STXBP5L: variants seen among roughly 807,000 people sequenced by gnomAD.
STXBP5L encodes the protein syntaxin binding protein 5L.
Under a neutral mutation model 144.5 loss-of-function variants are expected in STXBP5L, and 65 were observed. That is an observed-to-expected ratio of 0.45 (90% confidence interval 0.37 to 0.55). The LOEUF (loss-of-function observed/expected upper bound fraction) is 0.55, where lower values mean the gene tolerates loss of function less well. STXBP5L is among the 20% of genes least tolerant of loss of function. STXBP5L has a pLI of 0.00. For missense variants in STXBP5L, 1,298 were observed against 1,405.5 expected (o/e 0.92, Z 1.22); for synonymous variants, 505 against 469.6 (o/e 1.08, Z -0.97).
chr3:121,162,939 G>A (rs543317799), intron 9 of STXBP5L, among the ~76,000 whole-genome samples: 2 of 152,320 alleles, frequency 1.3e-5, no homozygotes, highest in East Asian at 1.9e-4. Context: ...TGGAGAGGAT[G>A]TGGAGAAATA....
intron 18 of STXBP5L, among the ~76,000 whole-genome samples, chr3:121,274,133 G>T (rs1387172748): frequency 6.6e-6 from 1 of 152,074 alleles, no homozygotes; most frequent in Admixed American, 6.5e-5. Flanking sequence ...ATCATTCCCT[G>T]CTTTTTTGTG....
chr3:121,044,144 A>G (rs1039673700), intron 4 of STXBP5L, among the ~76,000 whole-genome samples: 5 of 152,198 alleles, frequency 3.3e-5, no homozygotes, highest in East Asian at 1.9e-4. Flanking sequence ...AGATGTATAT[A>G]TCAATATATA....
intron 7 of STXBP5L, among the ~76,000 whole-genome samples, chr3:121,140,964 GTATAT>G (rs2045475944): frequency 1.3e-5 from 2 of 152,070 alleles, no homozygotes; most frequent in South Asian, 4.1e-4. Context: ...ATTCCACAAT[GTATAT>G]ATATTTCAAA....
chr3:121,388,687 G>A, intron 22 of STXBP5L, among the ~76,000 whole-genome samples: 1 of 151,992 alleles, frequency 6.6e-6, no homozygotes, highest in Non-Finnish European at 1.5e-5. Flanking sequence ...TTATGTGATG[G>A]GTACGTTTAT....
intron 3 of STXBP5L, among the ~76,000 whole-genome samples, chr3:121,039,556 C>G (rs1312248519): frequency 6.6e-6 from 1 of 151,526 alleles, no homozygotes; most frequent in African/African-American, 2.4e-5. Context: ...TTTTGTATAT[C>G]CAGATACTAT....
chr3:121,267,154 C>T (rs753618532), intron 18 of STXBP5L, among the ~76,000 whole-genome samples: 36 of 152,256 alleles, frequency 2.4e-4, no homozygotes, highest in Non-Finnish European at 4.9e-4. Context: ...TACCTGACTT[C>T]GAACTATACT....
chr3:121,046,185 G>A (rs923477795), intron 5 of STXBP5L, among the ~76,000 whole-genome samples: 1 of 152,090 alleles, frequency 6.6e-6, no homozygotes, highest in Non-Finnish European at 1.5e-5. Flanking sequence ...TGTGATTATT[G>A]AACCAACCTT....
intron 3 of STXBP5L, among the ~76,000 whole-genome samples, chr3:121,010,439 T>C (rs1944687887): frequency 6.6e-6 from 1 of 151,200 alleles, no homozygotes; most frequent in Admixed American, 6.6e-5. Flanking sequence ...CAGAATTCTG[T>C]TTTTTTTCTC....
At chr3:121,093,243 T>C (rs900139743) in intron 5 of STXBP5L, among the ~76,000 whole-genome samples, 4 of 152,184 alleles carry the variant, frequency 2.6e-5, no homozygotes, top group African/African-American at 9.7e-5. Flanking sequence ...CTTTTTTGGT[T>C]TTGTCTCTGC....
chr3:121,193,631 A>G (rs74789755), intron 9 of STXBP5L, among the ~76,000 whole-genome samples: 1 of 152,244 alleles, frequency 6.6e-6, no homozygotes, highest in Non-Finnish European at 1.5e-5. Context: ...ACCATGGAAT[A>G]CTATGCAGCC....
intron 3 of STXBP5L, among the ~76,000 whole-genome samples, chr3:121,023,659 G>C (rs989987492): frequency 6.6e-6 from 1 of 152,128 alleles, no homozygotes; most frequent in Admixed American, 6.5e-5. Context: ...ATGGTGCTGG[G>C]ATAATTGGCA....
intron 5 of STXBP5L, among the ~76,000 whole-genome samples, chr3:121,070,513 T>A (rs1222831869): frequency 6.6e-6 from 1 of 152,198 alleles, no homozygotes; most frequent in Non-Finnish European, 1.5e-5. Context: ...TATTAGGTTA[T>A]AGTTATTTTC....
intron 9 of STXBP5L, among the ~76,000 whole-genome samples, chr3:121,188,869 A>C (rs1246666092): frequency 6.6e-6 from 1 of 152,160 alleles, no homozygotes; most frequent in Non-Finnish European, 1.5e-5. Flanking sequence ...ATGGGCAAAA[A>C]CTGGAAGCAT....
intron 3 of STXBP5L, among the ~76,000 whole-genome samples, chr3:120,984,604 A>G (rs1179588285): frequency 8.1e-6 from 1 of 122,730 alleles, no homozygotes; most frequent in African/African-American, 3.3e-5. Context: ...GTTCTTTCCA[A>G]CTTGGATGCC....
At chr3:121,039,556 C>T (rs1312248519) in intron 3 of STXBP5L, among the ~76,000 whole-genome samples, 1 of 151,526 alleles carries the variant, frequency 6.6e-6, no homozygotes, top group East Asian at 1.9e-4. Flanking sequence ...TTTTGTATAT[C>T]CAGATACTAT....
intron 7 of STXBP5L, among the ~76,000 whole-genome samples, chr3:121,141,719 G>T (rs2045513491): frequency 6.6e-6 from 1 of 152,048 alleles, no homozygotes; most frequent in Non-Finnish European, 1.5e-5. Flanking sequence ...TAGAGCATTA[G>T]ATTTTATGTA....
chr3:121,192,461 G>A (rs2047735772), intron 9 of STXBP5L, among the ~76,000 whole-genome samples: 1 of 151,922 alleles, frequency 6.6e-6, no homozygotes, highest in African/African-American at 2.4e-5. Context: ...CACAGAATTG[G>A]AAAACACTAC....
intron 11 of STXBP5L, among the ~76,000 whole-genome samples, chr3:121,225,319 A>T (rs2049088176): frequency 6.6e-6 from 1 of 152,040 alleles, no homozygotes; most frequent in South Asian, 2.1e-4. Flanking sequence ...CTCGGGGCAC[A>T]ATTGGTAGCT....
intron 10 of STXBP5L, among the ~76,000 whole-genome samples, chr3:121,218,780 C>A (rs1036723341): frequency 1.3e-5 from 2 of 152,076 alleles, no homozygotes; most frequent in Non-Finnish European, 2.9e-5. Context: ...TAATTAAAAT[C>A]ATTGGCTTTG....
Sources: allele counts gnomAD v4.1 joint callset (sites outside exome capture counted in the v4.1 genomes callset), GRCh38; gene constraint gnomAD v4.1.1; transcripts MANE v1.5; gene names NCBI Gene and HGNC (gene_info 2026-07-23, HGNC 2026-07-21).